Variants in SOX4 observed in about 807,000 individuals in gnomAD.
SOX4 encodes the protein transcription factor SOX-4.
For missense variants in SOX4, 662 were observed against 694.9 expected (o/e 0.95, Z 0.53); for synonymous variants, 465 against 348.4 (o/e 1.33, Z -3.73).
Position 21,596,612 on chromosome 6 carries a change from T to G in SOX4, c.*653T>G, listed in dbSNP as rs1381576867. ...GCAGGCGAATTCCCGTTTGGGGCTT[T>G]TTTTTCCTCCCTCTTTTCCCCTTGC... On this transcript the variant is annotated 3_prime_UTR_variant, in exon 1 of 1. Coordinates refer to ENST00000244745, the MANE Select transcript of SOX4 (RefSeq NM_003107.3). The G allele has an allele frequency of 1.8e-5, 3 of 167,068 alleles. No individual in the cohort carries two copies. In the Admixed American group the frequency reaches 2.0e-4, roughly 11 times the overall value. The allele number at this position is 167,068 out of a possible 1,614,324, so 10.3% of individuals were successfully genotyped here.
chr6:21,596,063 GAAAAAAGAAA>G lies in SOX4; in HGVS notation c.*105_*114del, dbSNP rs977303692. The G allele has an allele frequency of 1.5e-6, 2 of 1,370,880 alleles. No individual in the cohort carries two copies. Among genetic ancestry groups the G allele is most frequent in the East Asian group, 2.9e-5 (1 of 34,216 alleles). The allele number at this position is 1,370,880 out of a possible 1,614,324, so 84.9% of individuals were successfully genotyped here. A position where few individuals can be genotyped will look rare whatever the true frequency, so the allele number is the denominator to read the frequency against. ...AGACGAAGAGTTTAAAGAGAAAAGG[GAAAAAAGAAA>G]GAAAAAGTAAGCAGGGCTGGCTTCG... On this transcript the variant is annotated 3_prime_UTR_variant, in exon 1 of 1. Coordinates refer to ENST00000244745, the MANE Select transcript of SOX4 (RefSeq NM_003107.3).
At position 21,595,878 on chromosome 6, in the gene SOX4, C is replaced by G. The variant is rs768098194; in HGVS notation, c.1344C>G (p.Asp448Glu). The change falls in exon 1 of 1, where the codon GAC (aspartate) becomes GAG (glutamate). Residue 448 changes from aspartate to glutamate, a missense_variant. By Grantham distance (45) the Asp-to-Glu change is conservative. Coordinates refer to ENST00000244745, the MANE Select transcript of SOX4 (RefSeq NM_003107.3). ...PGSGSHFEFPDYCTPEVSEMI... is the reference protein window; with the variant it reads ...PGSGSHFEFPEYCTPEVSEMI... The stretch of plus-strand genomic sequence containing the variant: ...CCGGCTCGCACTTCGAGTTCCCGGA[C>G]TACTGCACGCCCGAGGTGAGCGAGA... The G allele has an allele frequency of 6.2e-7, 1 of 1,608,766 alleles. No homozygotes were observed. Among genetic ancestry groups the G allele is most frequent in the Non-Finnish European group, 8.5e-7 (1 of 1,178,058 alleles).
Position 21,594,607 on chromosome 6 carries a change from G to T in SOX4, c.73G>T (p.Gly25Cys). 6.2e-7 allele frequency: 1 copy of T among 1,608,594 alleles called. No individual in the cohort carries two copies. The highest frequency in any genetic ancestry group is 1.3e-5 in the African/African-American group (1 of 74,978). The change falls in exon 1 of 1, where the codon GGC becomes TGC. Residue 25 changes from glycine (G) to cysteine (C), a missense_variant. Gly to Cys is a radical substitution (Grantham distance 159). Coordinates refer to ENST00000244745, the MANE Select transcript of SOX4 (RefSeq NM_003107.3). ...LAGESSDSGA[G>C]LELGIASSPT... ...CGGCGAGAGCTCGGACTCGGGCGCC[G>T]GCCTCGAGCTGGGAATCGCCTCCTC...
In SOX4 at chr6:21,594,473, G is replaced by C; in HGVS notation, c.-62G>C. 7.4e-7 allele frequency: 1 copy of C among 1,353,214 alleles called. No homozygotes were observed. The highest frequency in any genetic ancestry group is 1.9e-5 in the South Asian group (1 of 53,912). 83.8% of individuals were successfully genotyped at this position (1,353,214 alleles called of 1,614,324 possible). ...TGGCCCGGGGAACCGGGAGGGCCCG[G>C]CGATCGCGCGGCGGCCGCCGCGAGG... On this transcript the variant is annotated 5_prime_UTR_variant, in exon 1 of 1. Coordinates refer to ENST00000244745, the MANE Select transcript of SOX4 (RefSeq NM_003107.3).
chr6:21,595,966 C>A lies in SOX4; in HGVS notation c.*7C>A. 1.4e-6 allele frequency: 2 copies of A among 1,477,384 alleles called. No homozygotes were observed. Among genetic ancestry groups the A allele is most frequent in the Non-Finnish European group, 1.8e-6 (2 of 1,103,914 alleles). 91.5% of individuals were successfully genotyped at this position (1,477,384 alleles called of 1,614,324 possible). On this transcript the variant is annotated 3_prime_UTR_variant, in exon 1 of 1. Coordinates refer to ENST00000244745, the MANE Select transcript of SOX4 (RefSeq NM_003107.3). ...CCTGGTTTTCACCTACTGAAGGGCG[C>A]GCAGGCAGGGAGAAGGGCCGGGGGG...
chr6:21,596,573 CTG>C lies in SOX4; in HGVS notation c.*615_*616del, dbSNP rs1212027588. 2 of 167,132 alleles carry C rather than the reference CTG, an allele frequency of 1.2e-5. No individual in the cohort carries two copies. The highest frequency in any genetic ancestry group is 4.8e-5 in the African/African-American group (2 of 41,428). 10.4% of individuals were successfully genotyped at this position (167,132 alleles called of 1,614,324 possible). A position where few individuals can be genotyped will look rare whatever the true frequency, so the allele number is the denominator to read the frequency against. On this transcript the variant is annotated 3_prime_UTR_variant, in exon 1 of 1. Coordinates refer to ENST00000244745, the MANE Select transcript of SOX4 (RefSeq NM_003107.3). ...CAGATGTTTTGGGGGAACGCCGGGA[CTG>C]AGAGACTCCACGCAGGCGAATTCCC...
At position 21,597,418 on chromosome 6, in the gene SOX4, A is replaced by C. The variant is rs1763189941; in HGVS notation, c.*1459A>C. ...TGCCATTTTATATGTGGACGTATTT[A>C]TACTGGCCAAACATATTTTTTCTTT... is the stretch of plus-strand genomic sequence containing the variant. On this transcript the variant is annotated 3_prime_UTR_variant, in exon 1 of 1. Coordinates refer to ENST00000244745, the MANE Select transcript of SOX4 (RefSeq NM_003107.3). 1 of 165,636 alleles carries C rather than the reference A, an allele frequency of 6.0e-6. No homozygotes were observed. The highest frequency in any genetic ancestry group is 1.5e-5 in the Non-Finnish European group (1 of 67,946). The allele number at this position is 165,636 out of a possible 1,614,324, so 10.3% of individuals were successfully genotyped here. A position where few individuals can be genotyped will look rare whatever the true frequency, so the allele number is the denominator to read the frequency against.
chr6:21,597,002 GA>G lies in SOX4; in HGVS notation c.*1044del, dbSNP rs1282769145. 6.0e-6 allele frequency: 1 copy of G among 165,356 alleles called. No homozygotes were observed. The highest frequency in any genetic ancestry group is 1.5e-5 in the Non-Finnish European group (1 of 67,716). The allele number at this position is 165,356 out of a possible 1,614,324, so 10.2% of individuals were successfully genotyped here. A position where few individuals can be genotyped will look rare whatever the true frequency, so the allele number is the denominator to read the frequency against. ...AAAAGAAAAAAAAAGAAAAAAAAAA[GA>G]TTTTTTTCTTCTCTTAATCGGAATC... On this transcript the variant is annotated 3_prime_UTR_variant, in exon 1 of 1. Coordinates refer to ENST00000244745, the MANE Select transcript of SOX4 (RefSeq NM_003107.3).
rs1409507277 is a variant in SOX4 at position 21,594,424 on chromosome 6, G to A, written c.-111G>A. 2.3e-6 allele frequency: 3 copies of A among 1,297,744 alleles called. No homozygotes were observed. Among genetic ancestry groups the A allele is most frequent in the South Asian group, 2.5e-5 (1 of 40,732 alleles). 80.4% of individuals were successfully genotyped at this position (1,297,744 alleles called of 1,614,324 possible). Reference sequence around the variant, plus strand: ...TGAGGGGCCAGTTCGGCCGCCGCGCGCGTCTTCCCGTTCGGCGTGTGCTTG... The same window carrying A: ...TGAGGGGCCAGTTCGGCCGCCGCGCACGTCTTCCCGTTCGGCGTGTGCTTG... On this transcript the variant is annotated 5_prime_UTR_variant, in exon 1 of 1. Coordinates refer to ENST00000244745, the MANE Select transcript of SOX4 (RefSeq NM_003107.3).
chr6:21,594,376 C>A lies in SOX4; in HGVS notation c.-159C>A. ...CTTTTGGGGACTTTTCTCTCTTTAC[C>A]CACCTCCGCCCCTGCGAGGAGTTGA... is the stretch of plus-strand genomic sequence containing the variant. On this transcript the variant is annotated 5_prime_UTR_variant, in exon 1 of 1. Transcript: ENST00000244745. The A allele has an allele frequency of 1.1e-6, 1 of 881,610 alleles. No homozygotes were observed. Among genetic ancestry groups the A allele is most frequent in the Non-Finnish European group, 1.5e-6 (1 of 655,430 alleles). The allele number at this position is 881,610 out of a possible 1,614,324, so 54.6% of individuals were successfully genotyped here.
rs1340312235 is a variant in SOX4 at position 21,594,486 on chromosome 6, G to A, written c.-49G>A. 2 of 1,359,514 alleles carry A rather than the reference G, an allele frequency of 1.5e-6. No individual in the cohort carries two copies. Among genetic ancestry groups the A allele is most frequent in the Non-Finnish European group, 9.4e-7 (1 of 1,064,040 alleles). 84.2% of individuals were successfully genotyped at this position (1,359,514 alleles called of 1,614,324 possible). On this transcript the variant is annotated 5_prime_UTR_variant, in exon 1 of 1. Transcript: ENST00000244745. ...CGGGAGGGCCCGGCGATCGCGCGGC[G>A]GCCGCCGCGAGGGTGTGAGCGCGCG... is the stretch of plus-strand genomic sequence containing the variant.
At position 21,595,428 on chromosome 6, in the gene SOX4, G is replaced by A; in HGVS notation, c.894G>A (p.Leu298=). ...AGAAGAAGGTGAAGCGCGTCTACCT[G>A]TTCGGCGGCCTGGGCACGTCGTCGT... ...LAEKKVKRVY[L]FGGLGTSSSP... Residue 298 remains leucine (L), a synonymous_variant, in exon 1 of 1, where the codon CTG becomes CTA. Coordinates refer to ENST00000244745, the MANE Select transcript of SOX4 (RefSeq NM_003107.3). 1 of 1,521,428 alleles carries A rather than the reference G, an allele frequency of 6.6e-7. No individual in the cohort carries two copies. Among genetic ancestry groups the A allele is most frequent in the Non-Finnish European group, 8.8e-7 (1 of 1,142,302 alleles). The allele number at this position is 1,521,428 out of a possible 1,614,324, so 94.2% of individuals were successfully genotyped here. A position where few individuals can be genotyped will look rare whatever the true frequency, so the allele number is the denominator to read the frequency against.
In SOX4 at chr6:21,597,511, C is replaced by CTTTTTTTTTCTTTTTTTT. The variant is rs1763194447; in HGVS notation, c.*1561_*1562insCTTTTTTTTTTTTTTTTT. On this transcript the variant is annotated 3_prime_UTR_variant, in exon 1 of 1. Transcript: ENST00000244745. The stretch of plus-strand genomic sequence containing the variant: ...TTTATTCCTTCCTTTTCCTTTTTTT[C>CTTTTTTTTTCTTTTTTTT]TTTTTTTTTTCTTTTTTTTTTTTTT... 4 of 101,942 alleles carry CTTTTTTTTTCTTTTTTTT rather than the reference C, an allele frequency of 3.9e-5. No individual in the cohort carries two copies. The highest frequency in any genetic ancestry group is 1.5e-4 in the African/African-American group (4 of 25,876). 6.3% of individuals were successfully genotyped at this position (101,942 alleles called of 1,614,324 possible). A position where few individuals can be genotyped will look rare whatever the true frequency, so the allele number is the denominator to read the frequency against.
rs751640104 is a variant in SOX4 at position 21,595,068 on chromosome 6, G to C, written c.534G>C (p.Gly178=). ...GGGGGGSSNA[G]GGGGGASGGG... The stretch of plus-strand genomic sequence containing the variant: ...GCGGCGGCGGGAGCAGCAACGCGGG[G>C]GGAGGAGGCGGCGGTGCGAGTGGCG... The change falls in exon 1 of 1, where the codon GGG becomes GGC. Residue 178 remains glycine, a synonymous_variant. Transcript: ENST00000244745. The C allele has an allele frequency of 7.1e-7, 1 of 1,416,374 alleles. No individual in the cohort carries two copies. The highest frequency in any genetic ancestry group is 1.5e-5 in the African/African-American group (1 of 65,842). The allele number at this position is 1,416,374 out of a possible 1,614,324, so 87.7% of individuals were successfully genotyped here.
rs897872228 is a variant in SOX4 at position 21,594,273 on chromosome 6, G to A, written c.-262G>A. 4.1e-5 allele frequency: 15 copies of A among 369,198 alleles called. No homozygotes were observed. The East Asian group carries it at 5.1e-4, about 13-fold the overall frequency. The allele number at this position is 369,198 out of a possible 1,614,324, so 22.9% of individuals were successfully genotyped here. ...GCAAACTGCAGCGCGGTGAGAGAGC[G>A]AGAGAGAGGGAGAGAGAGACTCTCC... On this transcript the variant is annotated 5_prime_UTR_variant, in exon 1 of 1. Coordinates refer to ENST00000244745, the MANE Select transcript of SOX4 (RefSeq NM_003107.3).
Position 21,595,036 on chromosome 6 carries a change from G to A in SOX4, c.502G>A (p.Gly168Ser), listed in dbSNP as rs770636822. The part of the protein sequence containing the change: ...VGGSGGGGHG[G>S]GGGGGSSNAG... ...TGGCAGTGGCGGGGGCGGCCATGGGGGCGGCGGCGGCGGCGGGAGCAGCAA... is the reference window on the plus strand; with the variant it reads ...TGGCAGTGGCGGGGGCGGCCATGGGAGCGGCGGCGGCGGCGGGAGCAGCAA... Residue 168 changes from glycine to serine, a missense_variant, in exon 1 of 1, where the codon GGC (glycine) becomes AGC (serine). By Grantham distance (56) the Gly-to-Ser change is moderately conservative. Transcript: ENST00000244745. 43 of 1,390,602 alleles carry A rather than the reference G, an allele frequency of 3.1e-5. No individual in the cohort carries two copies. The highest frequency in any genetic ancestry group is 3.7e-5 in the Non-Finnish European group (40 of 1,074,268). 86.1% of individuals were successfully genotyped at this position (1,390,602 alleles called of 1,614,324 possible). A position where few individuals can be genotyped will look rare whatever the true frequency, so the allele number is the denominator to read the frequency against.
rs1249854210 is a variant in SOX4, at chr6:21,594,001, A to T, written c.-534A>T. 2 of 152,184 alleles carry T rather than the reference A, an allele frequency of 1.3e-5. No individual in the cohort carries two copies. The highest frequency in any genetic ancestry group is 2.1e-4 in the South Asian group (1 of 4,798). 9.4% of individuals were successfully genotyped at this position (152,184 alleles called of 1,614,324 possible). A position where few individuals can be genotyped will look rare whatever the true frequency, so the allele number is the denominator to read the frequency against. On this transcript the variant is annotated 5_prime_UTR_variant, in exon 1 of 1. Coordinates refer to ENST00000244745, the MANE Select transcript of SOX4 (RefSeq NM_003107.3). Reference sequence around the variant, plus strand: ...CTTAGTGCCGATTCCGCCCACAGAGAGTCCTGGAGCCACAGTCTTTTTTGC... The same window carrying T: ...CTTAGTGCCGATTCCGCCCACAGAGTGTCCTGGAGCCACAGTCTTTTTTGC...
chr6:21,595,437 C>T lies in SOX4; in HGVS notation c.903C>T (p.Gly301=), dbSNP rs2113558176. ...TGAAGCGCGTCTACCTGTTCGGCGG[C>T]CTGGGCACGTCGTCGTCGCCCGTGG... The part of the protein sequence containing the change: ...KKVKRVYLFG[G]LGTSSSPVGG... The change falls in exon 1 of 1, where the codon GGC becomes GGT. Residue 301 remains glycine, a synonymous_variant. Coordinates refer to ENST00000244745, the MANE Select transcript of SOX4 (RefSeq NM_003107.3). The T allele has an allele frequency of 6.6e-7, 1 of 1,516,272 alleles. No individual in the cohort carries two copies. Among genetic ancestry groups the T allele is most frequent in the Non-Finnish European group, 8.8e-7 (1 of 1,139,358 alleles). The allele number at this position is 1,516,272 out of a possible 1,614,324, so 93.9% of individuals were successfully genotyped here. A position where few individuals can be genotyped will look rare whatever the true frequency, so the allele number is the denominator to read the frequency against.
chr6:21,594,888 G>A lies in SOX4; in HGVS notation c.354G>A (p.Lys118=). The change falls in exon 1 of 1, where the codon AAG becomes AAA. Residue 118 remains lysine (K), a synonymous_variant. Transcript: ENST00000244745. ...FIREAERLRL[K]HMADYPDYKY... is the part of the protein sequence containing the mutation. The stretch of plus-strand genomic sequence containing the variant: ...GAGAGGCGGAGCGGCTGCGCCTCAA[G>A]CACATGGCTGACTACCCCGACTACA... The A allele has an allele frequency of 6.2e-7, 1 of 1,613,060 alleles. No homozygotes were observed. Among genetic ancestry groups the A allele is most frequent in the Non-Finnish European group, 8.5e-7 (1 of 1,179,744 alleles).
Sources: allele counts gnomAD v4.1 joint callset, GRCh38; gene constraint gnomAD v4.1.1; transcripts MANE v1.5; gene names NCBI Gene and HGNC (gene_info 2026-07-23, HGNC 2026-07-21).